The following ASXL3 variants were observed in gnomAD, a reference collection of about 807,000 sequenced individuals.
ASXL3 encodes the protein ASXL transcriptional regulator 3, also known as putative Polycomb group protein ASXL3.
In ASXL3, 34 loss-of-function variants were observed where a neutral mutation model predicts 170.6. The ratio of observed to expected loss-of-function variants is 0.20; its 90% CI spans 0.15 to 0.27. The LOEUF is 0.27. Ranked by LOEUF, ASXL3 falls within the 10% of genes least tolerant of loss-of-function variation. The probability of loss-of-function intolerance (pLI) is 1.00; values close to 1 mark genes in which losing one functional copy is unlikely to be tolerated. For synonymous variants in ASXL3, 1,002 were observed against 989.1 expected (o/e 1.01, Z -0.24); for missense variants, 2,592 against 2,695.3 (o/e 0.96, Z 0.85).
intron 1 of ASXL3, among the ~76,000 whole-genome samples, chr18:33,600,785 T>C (rs1408572323): frequency 6.6e-6 from 1 of 152,126 alleles, no homozygotes; most frequent in Non-Finnish European, 1.5e-5. Flanking sequence ...CCAAAAACCA[T>C]GTCTTTCAGC....
In ASXL3 at chr18:33,746,256, A is replaced by G. The variant is rs369338924; in HGVS notation, c.6408A>G (p.Gln2136=). ...LLSEPQKPFT[Q]LAAQKMQVQQ... ...CTGAGCCACAAAAGCCTTTTACCCA[A>G]TTAGCTGCTCAGAAAATGCAGGTGC... The change falls in exon 12 of 12, where the codon CAA becomes CAG. Residue 2136 remains glutamine (Q), a synonymous_variant. Coordinates refer to ENST00000269197, the MANE Select transcript of ASXL3 (RefSeq NM_030632.3). The G allele has an allele frequency of 1.2e-6, 2 of 1,613,992 alleles. No individual in the cohort carries two copies. The highest frequency in any genetic ancestry group is 1.1e-5 in the South Asian group (1 of 91,084).
rs544170337 is a variant in ASXL3 at position 33,603,501 on chromosome 18, G to A, written c.55-4093G>A. ...AATGAGACTATCTTGCCTCAAAACT[G>A]TATGAATGTATATGTCTTTGAGATA... On this transcript the variant is annotated intron_variant, in intron 1 of 11. Transcript: ENST00000269197. Among the ~76,000 whole-genome samples the A allele has an allele frequency of 3.1e-4, 47 of 152,086 alleles. 1 individual carries two copies. In the South Asian group the frequency reaches 9.1e-3, roughly 30 times the overall value.
chr18:33,652,242 T>C (rs375915109), intron 4 of ASXL3, among the ~76,000 whole-genome samples: 2 of 152,056 alleles, frequency 1.3e-5, no homozygotes, highest in East Asian at 1.9e-4. Flanking sequence ...TACATTGATA[T>C]ATCGTGAGTT....
Position 33,615,268 on chromosome 18 carries a change from G to A in ASXL3, c.137+7592G>A, listed in dbSNP as rs139614943. Among the ~76,000 whole-genome samples the A allele has an allele frequency of 9.5e-3, 1,440 of 152,190 alleles. 23 individuals carry two copies. The highest frequency in any genetic ancestry group is 0.033 in the African/African-American group (1,378 of 41,536). On this transcript the variant is annotated intron_variant, in intron 2 of 11. Transcript: ENST00000269197. ...TTTGCACTTTTATGTTATGGAGATG[G>A]CTTCTTTCCTTAAGCCTCATGAACC...
intron 2 of ASXL3, among the ~76,000 whole-genome samples, chr18:33,620,875 A>G (rs1000441115): frequency 1.3e-5 from 2 of 152,168 alleles, no homozygotes; most frequent in Non-Finnish European, 2.9e-5. Flanking sequence ...TACCTTTGTG[A>G]TAAGAGAGTA....
intron 1 of ASXL3, among the ~76,000 whole-genome samples, chr18:33,601,114 C>T (rs542909348): frequency 1.3e-5 from 2 of 152,000 alleles, no homozygotes; most frequent in African/African-American, 4.8e-5. Context: ...GGTCAGGCAA[C>T]GAGGGATGAG....
intron 7 of ASXL3, among the ~76,000 whole-genome samples, chr18:33,674,205 T>C (rs990532875): frequency 6.6e-6 from 1 of 152,174 alleles, no homozygotes. Flanking sequence ...AATCTGAATG[T>C]CAAATCATCT....
intron 7 of ASXL3, among the ~76,000 whole-genome samples, chr18:33,679,908 C>A (rs917825865): frequency 9.2e-5 from 14 of 152,026 alleles, no homozygotes; most frequent in African/African-American, 3.4e-4. Context: ...CCATCTCAGG[C>A]CAGAGATGTC....
At position 33,646,247 on chromosome 18, in the gene ASXL3, A is replaced by C; in HGVS notation, c.249A>C (p.Lys83Asn). The change falls in exon 4 of 12, where the codon AAA becomes AAC. Residue 83 changes from lysine to asparagine, a missense_variant and splice_region_variant. Around this residue, in one of 4 missense-constraint regions of ASXL3, gnomAD observed 251 missense variants for 281.9 expected, o/e 0.89. Transcript: ENST00000269197. ...CATCACTTTTCAAAATAATACAGAAAGAGGAGTCGTCATGCCCAGCAGATG... is the reference window on the plus strand; with the variant it reads ...CATCACTTTTCAAAATAATACAGAACGAGGAGTCGTCATGCCCAGCAGATG... ...PGKSGLYALKKEESSCPADGT... is the reference protein window; with the variant it reads ...PGKSGLYALKNEESSCPADGT... 1 of 1,610,112 alleles carries C rather than the reference A, an allele frequency of 6.2e-7. No individual in the cohort carries two copies. Among genetic ancestry groups the C allele is most frequent in the South Asian group, 1.1e-5 (1 of 90,854 alleles).
chr18:33,613,833 G>T (rs1356964391), intron 2 of ASXL3, among the ~76,000 whole-genome samples: 1 of 152,218 alleles, frequency 6.6e-6, no homozygotes, highest in Non-Finnish European at 1.5e-5. Flanking sequence ...GCTGAAGCAG[G>T]AGGATCACTT....
Position 33,731,996 on chromosome 18 carries a change from G to A in ASXL3, c.908G>A (p.Ser303Asn). The A allele has an allele frequency of 6.2e-7, 1 of 1,612,936 alleles. No homozygotes were observed. The highest frequency in any genetic ancestry group is 8.5e-7 in the Non-Finnish European group (1 of 1,179,560). The change falls in exon 9 of 12, where the codon AGT (serine) becomes AAT (asparagine). Residue 303 changes from serine to asparagine, a missense_variant. Ser to Asn is a conservative substitution (Grantham distance 46). This residue lies in a region of ASXL3 where 73 missense variants were observed against 142.7 expected (regional missense o/e 0.51). Transcript: ENST00000269197. ...GGAAGTGATGGAATTTTACGCCTCA[G>A]TACTTCAGCTCTAAATAATGAATTC... is the stretch of plus-strand genomic sequence containing the variant. ...QMGSDGILRL[S>N]TSALNNEFFA...
intron 8 of ASXL3, among the ~76,000 whole-genome samples, chr18:33,728,511 G>T (rs898133993): frequency 6.6e-6 from 1 of 152,062 alleles, no homozygotes; most frequent in Non-Finnish European, 1.5e-5. Flanking sequence ...TTTCATAGAG[G>T]TATATCATTT....
At chr18:33,613,335 C>G (rs570889610) in intron 2 of ASXL3, among the ~76,000 whole-genome samples, 1 of 152,196 alleles carries the variant, frequency 6.6e-6, no homozygotes, top group African/African-American at 2.4e-5. Context: ...ATCTTCTTAT[C>G]TGGTTATCTT....
Position 33,743,621 on chromosome 18 carries a change from T to C in ASXL3, c.3773T>C (p.Val1258Ala), listed in dbSNP as rs751251749. 4 of 1,613,498 alleles carry C rather than the reference T, an allele frequency of 2.5e-6. No homozygotes were observed. The highest frequency in any genetic ancestry group is 3.4e-6 in the Non-Finnish European group (4 of 1,179,878). ...AIKEHPFVSS[V>A]DKSSVLMSVD... is the part of the protein sequence containing the mutation. ...AAAGAACATCCCTTTGTGAGTTCTGTTGATAAATCCTCTGTCCTAATGTCT... is the reference window on the plus strand; with the variant it reads ...AAAGAACATCCCTTTGTGAGTTCTGCTGATAAATCCTCTGTCCTAATGTCT... The change falls in exon 12 of 12, where the codon GTT (valine) becomes GCT (alanine). Residue 1258 changes from valine to alanine, a missense_variant. Transcript: ENST00000269197.
At chr18:33,604,375 T>C (rs1036531626) in intron 1 of ASXL3, among the ~76,000 whole-genome samples, 13 of 152,188 alleles carry the variant, frequency 8.5e-5, no homozygotes, top group African/African-American at 3.1e-4. Flanking sequence ...AAATAAATCT[T>C]AAGTGGAATG....
chr18:33,632,857 A>C lies in ASXL3; in HGVS notation c.138-12037A>C, dbSNP rs1228353114. Among the ~76,000 whole-genome samples, 6 of 152,144 alleles carry C rather than the reference A, an allele frequency of 3.9e-5. 1 individual carries two copies. Among genetic ancestry groups the C allele is most frequent in the Admixed American group, 3.9e-4 (6 of 15,268 alleles). Reference sequence around the variant, plus strand: ...TGGACAAGAGCACCTTCCTTGTTAAAGTCCTCTGGGGCTCTCTATCATCTC... The same window carrying C: ...TGGACAAGAGCACCTTCCTTGTTAACGTCCTCTGGGGCTCTCTATCATCTC... On this transcript the variant is annotated intron_variant, in intron 2 of 11. Coordinates refer to ENST00000269197, the MANE Select transcript of ASXL3 (RefSeq NM_030632.3).
Position 33,683,579 on chromosome 18 carries a change from G to A in ASXL3, c.879+11G>A. On this transcript the variant is annotated intron_variant, in intron 8 of 11. Coordinates refer to ENST00000269197, the MANE Select transcript of ASXL3 (RefSeq NM_030632.3). ...GAAGTGGATAGGCAGGTAAGTAGAA[G>A]TTTTAGACATTTGATACCAGCCACT... is the stretch of plus-strand genomic sequence containing the variant. 6 of 1,604,610 alleles carry A rather than the reference G, an allele frequency of 3.7e-6. No individual in the cohort carries two copies. The highest frequency in any genetic ancestry group is 5.1e-6 in the Non-Finnish European group (6 of 1,175,702).
At chr18:33,653,594 C>G (rs2066034943) in intron 4 of ASXL3, among the ~76,000 whole-genome samples, 1 of 152,082 alleles carries the variant, frequency 6.6e-6, no homozygotes, top group African/African-American at 2.4e-5. Flanking sequence ...TTCTCCTTCT[C>G]CTTTCTTTTA....
intron 1 of ASXL3, among the ~76,000 whole-genome samples, chr18:33,585,036 A>G (rs971251242): frequency 6.6e-5 from 10 of 151,974 alleles, no homozygotes; most frequent in African/African-American, 1.9e-4. Flanking sequence ...AGCCTATGTC[A>G]TACTTATTCC....
Sources: gnomAD v4.1 joint callset for allele counts (sites outside exome capture counted in the v4.1 genomes callset) on GRCh38, gnomAD v4.1.1 for gene constraint, gnomAD v4.1.1 regional missense constraint, MANE v1.5 for transcripts, NCBI Gene and HGNC (gene_info 2026-07-23, HGNC 2026-07-21) for gene names.